PDSS1: variants seen among roughly 807,000 people sequenced by gnomAD.
PDSS1 encodes the protein all trans-polyprenyl-diphosphate synthase PDSS1.
A neutral mutation model predicts 57.5 loss-of-function variants in PDSS1; 43 were observed. The ratio of observed to expected loss-of-function variants is 0.75; its 90% CI spans 0.59 to 0.96. PDSS1 has a LOEUF of 0.96. PDSS1 is among the 50% of genes least tolerant of loss of function. PDSS1 has a pLI of 0.00. For missense variants in PDSS1, 438 were observed against 527.8 expected (o/e 0.83, Z 1.67); for synonymous variants, 175 against 191.3 (o/e 0.91, Z 0.70).
intron 5 of PDSS1, among the ~76,000 whole-genome samples, chr10:26,712,818 G>T (rs1278272456): frequency 1.0e-5 from 1 of 98,538 alleles, no homozygotes; most frequent in East Asian, 2.5e-4. Flanking sequence ...TCCAGCCTCA[G>T]TGGCCCCAGA....
Position 26,703,807 on chromosome 10 carries a change from C to T in PDSS1, c.163-870C>T, listed in dbSNP as rs1034728067. Among the ~76,000 whole-genome samples, 11 of 152,096 alleles carry T rather than the reference C, an allele frequency of 7.2e-5. No individual in the cohort carries two copies. In the East Asian group the frequency reaches 1.2e-3, roughly 16 times the overall value. On this transcript the variant is annotated intron_variant, in intron 2 of 11. Coordinates refer to ENST00000376215, the MANE Select transcript of PDSS1 (RefSeq NM_014317.5). ...ATTGTCATTTTAATATGGCGCCGGG[C>T]GCGGTGGCTCACGCCTGTAATCCCA...
At position 26,735,317 on chromosome 10, in the gene PDSS1, T is replaced by G; in HGVS notation, c.909T>G (p.Phe303Leu). Residue 303 changes from phenylalanine (F) to leucine (L), a missense_variant, in exon 9 of 12, where the codon TTT becomes TTG. Phe to Leu is a conservative substitution (Grantham distance 22). Coordinates refer to ENST00000376215, the MANE Select transcript of PDSS1 (RefSeq NM_014317.5). ...ACGGAAAAAATGTAGGAATAGCTTT[T>G]CAGGTTAGTATGCTTTTTATTTGTA... ...YQYGKNVGIA[F>L]QLIDDVLDFT... 2 of 1,605,784 alleles carry G rather than the reference T, an allele frequency of 1.2e-6. No homozygotes were observed. Among genetic ancestry groups the G allele is most frequent in the Non-Finnish European group, 8.5e-7 (1 of 1,172,346 alleles).
chr10:26,744,647 A>C (rs985248587), intron 11 of PDSS1, among the ~76,000 whole-genome samples: 59 of 152,002 alleles, frequency 3.9e-4, no homozygotes, highest in Non-Finnish European at 6.5e-4. Flanking sequence ...TCGGCCTCCC[A>C]AAGTGCTGGG....
At chr10:26,740,719 C>A (rs1438915406) in intron 10 of PDSS1, 1 of 456,666 alleles carries the variant, frequency 2.2e-6, no homozygotes, top group Non-Finnish European at 4.4e-6. Context: ...TTACCTCTTC[C>A]GTGGAGCCAT....
At chr10:26,740,167 A>AT (rs1320700543) in intron 10 of PDSS1, among the ~76,000 whole-genome samples, 11 of 151,214 alleles carry the variant, frequency 7.3e-5, no homozygotes, top group Admixed American at 3.3e-4. Context: ...AAATTAAAAA[A>AT]TTAGCCAGGT....
At chr10:26,746,091 A>G (rs536566264) in intron 11 of PDSS1, among the ~76,000 whole-genome samples, 1 of 152,322 alleles carries the variant, frequency 6.6e-6, no homozygotes, top group Non-Finnish European at 1.5e-5. Context: ...ACTATGTAAT[A>G]TTGATGAGCT....
chr10:26,735,969 T>C (rs1267892438), intron 10 of PDSS1, among the ~76,000 whole-genome samples: 3 of 152,176 alleles, frequency 2.0e-5, no homozygotes, highest in Non-Finnish European at 4.4e-5. Context: ...TTGGTGGTCC[T>C]CAGAGCCCCT....
Position 26,727,376 on chromosome 10 carries a change from G to C in PDSS1, c.831+3253G>C, listed in dbSNP as rs370808787. On this transcript the variant is annotated intron_variant, in intron 8 of 11. Transcript: ENST00000376215. Reference sequence around the variant, plus strand: ...TTTTTCTGAATTTCTATTTTCTCCAGGGCTGCTTGTGGCCTGGAATTAATG... The same window carrying C: ...TTTTTCTGAATTTCTATTTTCTCCACGGCTGCTTGTGGCCTGGAATTAATG... Among the ~76,000 whole-genome samples, 557 of 149,546 alleles carry C rather than the reference G, an allele frequency of 3.7e-3. 1 individual carries two copies. The highest frequency in any genetic ancestry group is 5.7e-3 in the Admixed American group (85 of 14,992).
chr10:26,733,982 G>T (rs145478888), intron 8 of PDSS1, among the ~76,000 whole-genome samples: 1 of 152,234 alleles, frequency 6.6e-6, no homozygotes, highest in Non-Finnish European at 1.5e-5. Flanking sequence ...TCTAAAAAGA[G>T]ATAATAATAG....
At chr10:26,724,705 G>T (rs1835898292) in intron 8 of PDSS1, among the ~76,000 whole-genome samples, 1 of 152,046 alleles carries the variant, frequency 6.6e-6, no homozygotes. Context: ...AGCTTCCCTA[G>T]TAGCTGGGAC....
chr10:26,723,838 A>G lies in PDSS1; in HGVS notation c.642A>G (p.Ala214=). The change falls in exon 7 of 12, where the codon GCA becomes GCG. Residue 214 remains alanine, a synonymous_variant. Transcript: ENST00000376215. ...TTGCTGGAGATTTAATTCTTTCTGCAGCATCTATAGCTCTGGCACGAATTG... is the reference window on the plus strand; with the variant it reads ...TTGCTGGAGATTTAATTCTTTCTGCGGCATCTATAGCTCTGGCACGAATTG... The part of the protein sequence containing the change: ...AVLAGDLILS[A]ASIALARIGN... 6.2e-7 allele frequency: 1 copy of G among 1,613,314 alleles called. No homozygotes were observed. The highest frequency in any genetic ancestry group is 1.7e-5 in the Admixed American group (1 of 60,022).
intron 4 of PDSS1, among the ~76,000 whole-genome samples, chr10:26,708,013 C>G (rs1357859061): frequency 1.3e-5 from 2 of 152,204 alleles, no homozygotes; most frequent in Admixed American, 6.5e-5. Flanking sequence ...TGCTCTTCTC[C>G]TCCCTGTCTC....
chr10:26,735,822 A>AT (rs1434614003), intron 10 of PDSS1, among the ~76,000 whole-genome samples: 1 of 152,136 alleles, frequency 6.6e-6, no homozygotes, highest in African/African-American at 2.4e-5. Context: ...GGTTGTGAGG[A>AT]TTAGCTAAGA....
At chr10:26,697,928 C>G (rs1834921058) in intron 1 of PDSS1, 88 bp downstream of exon 1, 1 of 1,160,796 alleles carries the variant, frequency 8.6e-7, no homozygotes, top group East Asian at 3.7e-5. Context: ...GCGGGGAGCA[C>G]GTGCGTCGCG....
intron 6 of PDSS1, among the ~76,000 whole-genome samples, chr10:26,722,491 G>T (rs368519057): frequency 6.6e-6 from 1 of 151,996 alleles, no homozygotes; most frequent in Non-Finnish European, 1.5e-5. Flanking sequence ...GATCACTTGG[G>T]GCCAGGAGTT....
intron 8 of PDSS1, among the ~76,000 whole-genome samples, chr10:26,729,524 CAGTG>C (rs1233315810): frequency 3.9e-5 from 6 of 152,178 alleles, no homozygotes; most frequent in African/African-American, 1.4e-4. Flanking sequence ...CCTTCCCAAA[CAGTG>C]AGAGACCTGG....
At chr10:26,729,959 C>T (rs568623144) in intron 8 of PDSS1, among the ~76,000 whole-genome samples, 177 of 128,988 alleles carry the variant, frequency 1.4e-3, no homozygotes, top group Non-Finnish European at 2.0e-3. Context: ...TTCGCCCAGG[C>T]CGGAGTGCAG....
intron 5 of PDSS1, among the ~76,000 whole-genome samples, chr10:26,719,285 G>C (rs1012287512): frequency 1.3e-5 from 2 of 152,128 alleles, no homozygotes; most frequent in Non-Finnish European, 2.9e-5. Context: ...AATGAAATGG[G>C]GGACATTCCC....
chr10:26,721,222 C>CT (rs1444412963), intron 6 of PDSS1, among the ~76,000 whole-genome samples: 5 of 151,556 alleles, frequency 3.3e-5, no homozygotes, highest in Non-Finnish European at 7.4e-5. Flanking sequence ...TCGCTTGAAC[C>CT]TGGGAGAGGG....
Sources: gnomAD v4.1 joint callset for allele counts (sites outside exome capture counted in the v4.1 genomes callset) on GRCh38, gnomAD v4.1.1 for gene constraint, MANE v1.5 for transcripts, NCBI Gene and HGNC (gene_info 2026-07-23, HGNC 2026-07-21) for gene names.